The following PDIA3 variants were observed in gnomAD, a reference collection of about 807,000 sequenced individuals.
The protein encoded by PDIA3 is protein disulfide-isomerase A3.
PDIA3 carries 16 observed loss-of-function variants against 56.9 expected under a neutral mutation model. The observed-to-expected ratio is 0.28, with a 90% CI of 0.19 to 0.43. The LOEUF (loss-of-function observed/expected upper bound fraction) is 0.43. Among genes scored for constraint, PDIA3 ranks in the 20% least tolerant of loss-of-function variants. The pLI is 1.00. For missense variants in PDIA3, 485 were observed against 621.3 expected, an observed-to-expected ratio of 0.78 and a Z score of 2.33; for synonymous variants, 192 against 216.5, an observed-to-expected ratio of 0.89 and a Z score of 0.99.
chr15:43,752,035 T>A (rs1219417173), intron 1 of PDIA3, among the ~76,000 whole-genome samples: 3 of 152,242 alleles, frequency 2.0e-5, no homozygotes, highest in Non-Finnish European at 4.4e-5. Context: ...ATATATTATC[T>A]TCTAGATGGC....
intron 10 of PDIA3, 103 bp downstream of exon 10, chr15:43,769,749 A>AT (rs1333436234): frequency 5.4e-5 from 69 of 1,271,432 alleles, no homozygotes; most frequent in South Asian, 2.7e-4. Context: ...GTACTGATAG[A>AT]TTTTTTTCCC....
chr15:43,765,858 C>G (rs777397185), intron 6 of PDIA3, 29 bp from the exon 7 acceptor site: 1 of 1,591,248 alleles, frequency 6.3e-7, no homozygotes, highest in Admixed American at 1.9e-5. Context: ...ACTTGGCAAG[C>G]CAGTTGATAA....
chr15:43,766,692 T>TA (rs2086849465), intron 7 of PDIA3, 36 bp from the exon 8 acceptor site: 2 of 1,589,862 alleles, frequency 1.3e-6, no homozygotes, highest in Non-Finnish European at 8.6e-7. Flanking sequence ...GACCACCCTG[T>TA]ATAGTCTTGG....
chr15:43,750,241 C>G (rs2086735249), intron 1 of PDIA3, among the ~76,000 whole-genome samples: 1 of 147,464 alleles, frequency 6.8e-6, no homozygotes, highest in African/African-American at 2.5e-5. Context: ...GTCTTGAACT[C>G]CTGACTTCAC....
chr15:43,763,152 G>A lies in PDIA3; in HGVS notation c.548G>A (p.Arg183Gln), dbSNP rs759578661. ...KAASNLRDNY[R>Q]FAHTNVESLV... Reference sequence around the variant, plus strand: ...GCCAGCAACTTGAGGGATAACTACCGATTTGCACATACGAATGTTGAGTCT... The same window carrying A: ...GCCAGCAACTTGAGGGATAACTACCAATTTGCACATACGAATGTTGAGTCT... Residue 183 changes from arginine to glutamine, a missense_variant, in exon 5 of 13, where the codon CGA (arginine) becomes CAA (glutamine). By Grantham distance (43) the Arg-to-Gln change is conservative (BLOSUM62 1). Coordinates refer to ENST00000300289, the MANE Select transcript of PDIA3 (RefSeq NM_005313.5). 5 of 1,613,982 alleles carry A rather than the reference G, an allele frequency of 3.1e-6. No homozygotes were observed. The African/African-American group carries it at 4.0e-5, about 13-fold the overall frequency.
At chr15:43,759,876 G>C (rs2086803177) in intron 3 of PDIA3, among the ~76,000 whole-genome samples, 1 of 151,892 alleles carries the variant, frequency 6.6e-6, no homozygotes, top group African/African-American at 2.4e-5. Flanking sequence ...ACGAGGTCAG[G>C]AGTTCAAGAC....
rs2086880927 is a variant in PDIA3 at position 43,771,365 on chromosome 15, C to A, written c.*147C>A. The stretch of plus-strand genomic sequence containing the variant: ...TAATCTGAATCCTGTTAAATTTTCT[C>A]TAAACTGTTTCTTAGCTGCACTGTT... On this transcript the variant is annotated 3_prime_UTR_variant, in exon 13 of 13. Transcript: ENST00000300289. 1.9e-6 allele frequency: 1 copy of A among 530,904 alleles called. No individual in the cohort carries two copies. The highest frequency in any genetic ancestry group is 3.2e-5 in the South Asian group (1 of 30,962). 32.9% of individuals were successfully genotyped at this position (530,904 alleles called of 1,614,324 possible).
At chr15:43,750,109 C>T (rs1489062157) in intron 1 of PDIA3, among the ~76,000 whole-genome samples, 3 of 146,004 alleles carry the variant, frequency 2.1e-5, no homozygotes, top group Non-Finnish European at 3.0e-5. Flanking sequence ...CTCTCTGTTG[C>T]CAAGGCTGGA....
At chr15:43,751,413 G>C (rs1458348635) in intron 1 of PDIA3, among the ~76,000 whole-genome samples, 1 of 152,162 alleles carries the variant, frequency 6.6e-6, no homozygotes, top group Non-Finnish European at 1.5e-5. Flanking sequence ...ATGAAGTGAT[G>C]ATTATGGGTG....
chr15:43,746,826 G>T, intron 1 of PDIA3, 120 bp downstream of exon 1: 1 of 1,137,322 alleles, frequency 8.8e-7, no homozygotes, highest in Admixed American at 2.2e-5. Context: ...CCCTGCTGCG[G>T]CGGGCACATT....
At chr15:43,765,022 C>G (rs113870862) in intron 5 of PDIA3, among the ~76,000 whole-genome samples, 1,900 of 152,210 alleles carry the variant, frequency 0.012, 18 homozygotes, top group Non-Finnish European at 0.017. Flanking sequence ...ATCTGTGGTA[C>G]TAGAAAAGAG....
Position 43,766,812 on chromosome 15 carries a change from A to T in PDIA3, c.930A>T (p.Glu310Asp), listed in dbSNP as rs374716330. 24 of 1,613,282 alleles carry T rather than the reference A, an allele frequency of 1.5e-5. No homozygotes were observed. The highest frequency in any genetic ancestry group is 1.0e-4 in the Admixed American group (6 of 60,014). ...AVASRKTFSH[E>D]LSDFGLESTA... ...CTAGCCGCAAAACCTTTAGCCATGAACTTTCTGATTTTGGCTTGGAGAGCA... is the reference window on the plus strand; with the variant it reads ...CTAGCCGCAAAACCTTTAGCCATGATCTTTCTGATTTTGGCTTGGAGAGCA... Residue 310 changes from glutamate (E) to aspartate (D), a missense_variant, in exon 8 of 13, where the codon GAA (glutamate) becomes GAT (aspartate). Physicochemically the swap from Glu to Asp is conservative, Grantham distance 45. Coordinates refer to ENST00000300289, the MANE Select transcript of PDIA3 (RefSeq NM_005313.5).
chr15:43,768,965 A>G (rs2141657462), intron 9 of PDIA3, among the ~76,000 whole-genome samples: 1 of 152,022 alleles, frequency 6.6e-6, no homozygotes, highest in Non-Finnish European at 1.5e-5. Context: ...CAGAGGTTGC[A>G]GTGAGTCAAG....
At chr15:43,757,643 G>C (rs373020644) in intron 3 of PDIA3, among the ~76,000 whole-genome samples, 2 of 151,056 alleles carry the variant, frequency 1.3e-5, no homozygotes, top group Non-Finnish European at 2.9e-5. Context: ...GGCAGATCAC[G>C]AGGTCAGGAA....
chr15:43,766,163 C>G, intron 7 of PDIA3, 151 bp downstream of exon 7: 1 of 613,768 alleles, frequency 1.6e-6, no homozygotes, highest in East Asian at 3.1e-5. Flanking sequence ...ATTAAAGTAA[C>G]TATCCTGTTA....
At chr15:43,758,675 G>A (rs3986209) in intron 3 of PDIA3, among the ~76,000 whole-genome samples, 118,677 of 148,960 alleles carry the variant, frequency 0.8, 47,796 homozygotes, top group East Asian at 1. Flanking sequence ...AAAAAAGATT[G>A]AAAAAATTAA....
At chr15:43,751,181 C>T (rs537984102) in intron 1 of PDIA3, among the ~76,000 whole-genome samples, 10 of 151,770 alleles carry the variant, frequency 6.6e-5, no homozygotes, top group Admixed American at 4.6e-4. Flanking sequence ...ACTTGTAATC[C>T]CCACCCCGAG....
chr15:43,765,592 G>A, intron 6 of PDIA3, 26 bp downstream of exon 6: 1 of 1,334,994 alleles, frequency 7.5e-7, no homozygotes, highest in Non-Finnish European at 1.1e-6. Context: ...TATCTTGTCT[G>A]GGATTTATTT....
intron 3 of PDIA3, among the ~76,000 whole-genome samples, chr15:43,758,790 A>G (rs1241301667): frequency 6.6e-6 from 1 of 152,144 alleles, no homozygotes; most frequent in South Asian, 2.1e-4. Flanking sequence ...AGCCTGGCCA[A>G]CATGGTGAAA....
Sources: allele counts gnomAD v4.1 joint callset (sites outside exome capture counted in the v4.1 genomes callset), GRCh38; gene constraint gnomAD v4.1.1; transcripts MANE v1.5; gene names NCBI Gene and HGNC (gene_info 2026-07-23, HGNC 2026-07-21).